The following CSMD1 variants were observed in gnomAD, a reference collection of about 807,000 sequenced individuals.
CSMD1 encodes the protein CUB and sushi domain-containing protein 1.
CSMD1 carries 213 observed loss-of-function variants against 417.5 expected under a neutral mutation model. The ratio of observed to expected loss-of-function variants is 0.51; its 90% CI spans 0.46 to 0.57. The LOEUF (loss-of-function observed/expected upper bound fraction) is 0.57, where lower values mean the gene tolerates loss of function less well. CSMD1 is among the 20% of genes least tolerant of loss of function. CSMD1 has a pLI of 0.00. For missense variants in CSMD1, 6,923 were observed against 4,529.7 expected (o/e 1.53, Z -15.17); for synonymous variants, 2,862 against 1,736.8 (o/e 1.65, Z -16.11).
chr8:4,147,504 T>TC (rs1796312866), intron 3 of CSMD1, among the ~76,000 whole-genome samples: 1 of 152,152 alleles, frequency 6.6e-6, no homozygotes, highest in Non-Finnish European at 1.5e-5. Flanking sequence ...CACAATCTGT[T>TC]CCTGTCTCCA....
At chr8:3,870,571 T>C (rs552582295) in intron 5 of CSMD1, among the ~76,000 whole-genome samples, 2 of 152,168 alleles carry the variant, frequency 1.3e-5, no homozygotes, top group Non-Finnish European at 1.5e-5. Context: ...TCTCTCCAAC[T>C]ATTTGTAACA....
At chr8:4,227,057 G>A (rs560866352) in intron 3 of CSMD1, among the ~76,000 whole-genome samples, 2 of 152,140 alleles carry the variant, frequency 1.3e-5, no homozygotes, top group Non-Finnish European at 2.9e-5. Context: ...AAGACTGAAC[G>A]ACTCTGAAGG....
chr8:3,642,758 G>T (rs757487946), intron 7 of CSMD1, among the ~76,000 whole-genome samples: 2 of 152,062 alleles, frequency 1.3e-5, no homozygotes, highest in African/African-American at 2.4e-5. Flanking sequence ...TATGGAACAA[G>T]AAGGCAATAA....
At position 4,907,482 on chromosome 8, in the gene CSMD1, T is replaced by C. The variant is rs534528760; in HGVS notation, c.85+86850A>G. On this transcript the variant is annotated intron_variant, in intron 1 of 69. Coordinates refer to ENST00000635120, the MANE Select transcript of CSMD1 (RefSeq NM_033225.6). ...TGTACCTTTAAAATAAATATAAAAA[T>C]CCTAAACTCATAACATCTTACTAGA... Among the ~76,000 whole-genome samples the C allele has an allele frequency of 3.3e-5, 5 of 152,186 alleles. No individual in the cohort carries two copies. In the South Asian group the frequency reaches 8.3e-4, roughly 25 times the overall value.
chr8:4,667,488 C>A (rs1197431635), intron 1 of CSMD1, among the ~76,000 whole-genome samples: 2 of 151,346 alleles, frequency 1.3e-5, no homozygotes, highest in Non-Finnish European at 2.9e-5. Flanking sequence ...TACTCCAATT[C>A]ATGAACATGA....
At chr8:4,502,386 C>T (rs569340034) in intron 2 of CSMD1, among the ~76,000 whole-genome samples, 1 of 152,144 alleles carries the variant, frequency 6.6e-6, no homozygotes, top group Admixed American at 6.6e-5. Context: ...ATAATAATTG[C>T]TCAAAACAAA....
chr8:4,051,974 G>C (rs1425320961), intron 3 of CSMD1, among the ~76,000 whole-genome samples: 2 of 151,178 alleles, frequency 1.3e-5, no homozygotes, highest in Non-Finnish European at 2.9e-5. Flanking sequence ...TGCCCAGGCT[G>C]GAGTGCAACA....
Position 4,994,409 on chromosome 8 carries a change from G to A in CSMD1, c.8C>T (p.Ala3Val). 1 of 1,611,860 alleles carries A rather than the reference G, an allele frequency of 6.2e-7. No homozygotes were observed. The highest frequency in any genetic ancestry group is 8.5e-7 in the Non-Finnish European group (1 of 1,179,706). ...GAGCAGCGACTGGAATCTCCTCCAC[G>A]CAGTCATGTCTGCAGATACTCCACA... The part of the protein sequence containing the change: MT[A>V]WRRFQSLLLL... Residue 3 changes from alanine (A) to valine (V), a missense_variant, in exon 1 of 70, where the codon GCG becomes GTG. Ala to Val is a moderately conservative substitution (Grantham distance 64, BLOSUM62 0). Transcript: ENST00000635120.
chr8:4,043,963 T>A lies in CSMD1; in HGVS notation c.416-11864A>T, dbSNP rs557252286. 3.9e-5 allele frequency among the ~76,000 whole-genome samples: 6 copies of A among 152,282 alleles called. No homozygotes were observed. In the South Asian group the frequency reaches 1.2e-3, roughly 32 times the overall value. ...CCATATTGTCCCAATTGTGTTGATA[T>A]AATTGAAATGCTTTTAAATGCAACT... On this transcript the variant is annotated intron_variant, in intron 3 of 69. Coordinates refer to ENST00000635120, the MANE Select transcript of CSMD1 (RefSeq NM_033225.6).
At chr8:3,875,950 T>C (rs146343197) in intron 5 of CSMD1, among the ~76,000 whole-genome samples, 1 of 152,128 alleles carries the variant, frequency 6.6e-6, no homozygotes, top group African/African-American at 2.4e-5. Context: ...CGGAGGCAAA[T>C]TTATGGAGTA....
chr8:3,635,793 C>CAAAAAAAAAAA (rs752552617), intron 7 of CSMD1, among the ~76,000 whole-genome samples: 8 of 99,270 alleles, frequency 8.1e-5, no homozygotes, highest in African/African-American at 1.6e-4. Context: ...GCTTCCATCT[C>CAAAAAAAAAAA]AAAAAAAAAA....
chr8:3,969,923 C>T (rs933172606), intron 5 of CSMD1, among the ~76,000 whole-genome samples: 3 of 151,872 alleles, frequency 2.0e-5, no homozygotes, highest in African/African-American at 7.3e-5. Context: ...CCAAAAAAAT[C>T]CCTCATTTTA....
At chr8:4,844,644 A>C (rs971362671) in intron 1 of CSMD1, among the ~76,000 whole-genome samples, 9 of 152,196 alleles carry the variant, frequency 5.9e-5, no homozygotes, top group African/African-American at 1.9e-4. Flanking sequence ...ATCCATGCAA[A>C]AAATATAATT....
At chr8:3,351,119 G>C (rs1232905582) in intron 21 of CSMD1, among the ~76,000 whole-genome samples, 1 of 152,182 alleles carries the variant, frequency 6.6e-6, no homozygotes, top group Non-Finnish European at 1.5e-5. Context: ...AACCTGAGAT[G>C]CAATTAAGAT....
intron 3 of CSMD1, among the ~76,000 whole-genome samples, chr8:4,175,329 A>G (rs548253450): frequency 6.6e-6 from 1 of 152,146 alleles, no homozygotes; most frequent in Non-Finnish European, 1.5e-5. Flanking sequence ...GGTTAAAGTT[A>G]TCTTCGTCAC....
At chr8:4,115,274 TTAGA>T (rs1196816286) in intron 3 of CSMD1, among the ~76,000 whole-genome samples, 5 of 152,236 alleles carry the variant, frequency 3.3e-5, no homozygotes, top group South Asian at 2.1e-4. Context: ...CACTGAACGC[TTAGA>T]TAATTTTTAG....
At chr8:3,063,240 C>CAG (rs1232448315) in intron 49 of CSMD1, among the ~76,000 whole-genome samples, 15 of 152,284 alleles carry the variant, frequency 9.9e-5, no homozygotes, top group African/African-American at 3.6e-4. Context: ...TAGTCAAGCC[C>CAG]AGAAGCACAT....
Position 3,707,384 on chromosome 8 carries a change from G to A in CSMD1, c.1009+1030C>T, listed in dbSNP as rs571792064. Among the ~76,000 whole-genome samples the A allele has an allele frequency of 1.1e-4, 16 of 152,264 alleles. No individual in the cohort carries two copies. The East Asian group carries it at 2.7e-3, about 26-fold the overall frequency. ...AGGCAACGGAAAAACAATATGCACA[G>A]ATGCAAAACACCGGGGACAGGCGCA... On this transcript the variant is annotated intron_variant, in intron 7 of 69. Coordinates refer to ENST00000635120, the MANE Select transcript of CSMD1 (RefSeq NM_033225.6).
chr8:3,284,366 A>T lies in CSMD1; in HGVS notation c.3951-20T>A. 1 of 1,589,918 alleles carries T rather than the reference A, an allele frequency of 6.3e-7. No homozygotes were observed. Among genetic ancestry groups the T allele is most frequent in the South Asian group, 1.1e-5 (1 of 90,324 alleles). ...TGGAGGCTGCAAGAGAGAACACAGT[A>T]GCGCTACTTGCCGTGCATCGAGCAT... is the stretch of plus-strand genomic sequence containing the variant. On this transcript the variant is annotated intron_variant, in intron 25 of 69. Transcript: ENST00000635120.
Sources: gnomAD v4.1 joint callset for allele counts (sites outside exome capture counted in the v4.1 genomes callset) on GRCh38, gnomAD v4.1.1 for gene constraint, MANE v1.5 for transcripts, NCBI Gene and HGNC (gene_info 2026-07-23, HGNC 2026-07-21) for gene names.